The following PUM2 variants were observed in gnomAD, a reference collection of about 807,000 sequenced individuals.
PUM2 encodes pumilio RNA binding family member 2.
PUM2 carries 57 observed loss-of-function variants against 124.5 expected under a neutral mutation model. The observed-to-expected ratio is 0.46, with a 90% CI of 0.37 to 0.57. The LOEUF (loss-of-function observed/expected upper bound fraction) is 0.57. Ranked by LOEUF, PUM2 falls within the 20% of genes least tolerant of loss-of-function variation. The pLI, the probability that PUM2 is intolerant of heterozygous loss-of-function variation, is 0.00. For missense variants in PUM2, 1,065 were observed against 1,290.6 expected, an observed-to-expected ratio of 0.83 and a Z score of 2.68; for synonymous variants, 460 against 446.1, an observed-to-expected ratio of 1.03 and a Z score of -0.39.
chr2:20,307,176 A>G (rs1678540106), intron 7 of PUM2, among the ~76,000 whole-genome samples: 1 of 152,072 alleles, frequency 6.6e-6, no homozygotes, highest in African/African-American at 2.4e-5. Flanking sequence ...AGATTGCCCC[A>G]CTGTACTCCA....
intron 1 of PUM2, among the ~76,000 whole-genome samples, chr2:20,348,696 G>T (rs1335032564): frequency 6.6e-6 from 1 of 152,094 alleles, no homozygotes; most frequent in Non-Finnish European, 1.5e-5. Flanking sequence ...CTGGGAGGGC[G>T]AGGCGGGAGG....
chr2:20,340,484 T>A (rs1687014354), intron 1 of PUM2, among the ~76,000 whole-genome samples: 1 of 152,236 alleles, frequency 6.6e-6, no homozygotes, highest in African/African-American at 2.4e-5. Flanking sequence ...CAGGTACCCC[T>A]CAGGGATGGG....
In PUM2 at chr2:20,250,263, G is replaced by C. The variant is rs1033692803; in HGVS notation, c.*1322C>G. The C allele has an allele frequency of 6.6e-6, 1 of 152,434 alleles. No individual in the cohort carries two copies. The highest frequency in any genetic ancestry group is 2.4e-5 in the African/African-American group (1 of 41,398). 9.4% of individuals were successfully genotyped at this position (152,434 alleles called of 1,614,324 possible). A position where few individuals can be genotyped will look rare whatever the true frequency, so the allele number is the denominator to read the frequency against. ...TCTCACAATAATAAAAAGAAAGCTG[G>C]TTCATACTTCTGAAACCATATAAAG... On this transcript the variant is annotated 3_prime_UTR_variant, in exon 21 of 21. Coordinates refer to ENST00000361078, the MANE Select transcript of PUM2 (RefSeq NM_015317.5).
In PUM2 at chr2:20,294,367, A is replaced by C; in HGVS notation, c.1152+9T>G. On this transcript the variant is annotated intron_variant, in intron 9 of 20. Coordinates refer to ENST00000361078, the MANE Select transcript of PUM2 (RefSeq NM_015317.5). Reference sequence around the variant, plus strand: ...ATACTTGGTATTACTTAATAGAAGGAAGGCCTACCTGTTGCTGTCCAGGCT... The same window carrying C: ...ATACTTGGTATTACTTAATAGAAGGCAGGCCTACCTGTTGCTGTCCAGGCT... 1 of 1,612,726 alleles carries C rather than the reference A, an allele frequency of 6.2e-7. No homozygotes were observed. Among genetic ancestry groups the C allele is most frequent in the South Asian group, 1.1e-5 (1 of 90,836 alleles).
At chr2:20,329,831 A>G (rs373807759) in intron 1 of PUM2, among the ~76,000 whole-genome samples, 1 of 152,266 alleles carries the variant, frequency 6.6e-6, no homozygotes, top group African/African-American at 2.4e-5. Context: ...CCTAATGTGT[A>G]TAATTTTCAC....
At chr2:20,255,029 A>C (rs777727464) in intron 18 of PUM2, 45 bp from the exon 19 acceptor site, 4 of 1,569,752 alleles carry the variant, frequency 2.5e-6, no homozygotes, top group Non-Finnish European at 3.5e-6. Context: ...TCATTCCTTA[A>C]GAATGATATT....
upstream of PUM2, among the ~76,000 whole-genome samples, chr2:20,351,154 C>T (rs1689303150): frequency 6.6e-6 from 1 of 152,166 alleles, no homozygotes; most frequent in Non-Finnish European, 1.5e-5. Context: ...TGGGGCCTCG[C>T]CTTCTGAATC....
chr2:20,315,836 C>CAAAAAAAAAAA (rs60828412), intron 3 of PUM2, among the ~76,000 whole-genome samples: 2 of 72,354 alleles, frequency 2.8e-5, no homozygotes, highest in South Asian at 5.5e-4. Flanking sequence ...AACCTGGTCT[C>CAAAAAAAAAAA]AAAAAAAAAA....
At chr2:20,347,898 G>A (rs1688551310) in intron 1 of PUM2, among the ~76,000 whole-genome samples, 2 of 152,202 alleles carry the variant, frequency 1.3e-5, no homozygotes, top group South Asian at 4.1e-4. Flanking sequence ...TCTGCAGGGA[G>A]AAGACTCCCA....
Position 20,263,411 on chromosome 2 carries a change from T to C in PUM2, c.2007A>G (p.Ala669=). The C allele has an allele frequency of 6.2e-7, 1 of 1,614,134 alleles. No individual in the cohort carries two copies. ...TTGAAGCACTTCGATATTTTGCTTC[T>C]GCTCCAGGTGCTGCAGAGATATATC... ...SGRYISAAPG[A]EAKYRSASST... is the part of the protein sequence containing the mutation. Residue 669 remains alanine (A), a synonymous_variant, in exon 14 of 21, where the codon GCA becomes GCG. Coordinates refer to ENST00000361078, the MANE Select transcript of PUM2 (RefSeq NM_015317.5).
chr2:20,273,464 A>C (rs533526461), intron 13 of PUM2, among the ~76,000 whole-genome samples: 159 of 152,334 alleles, frequency 1.0e-3, no homozygotes, highest in Non-Finnish European at 1.7e-3. Flanking sequence ...AAACTTTCTC[A>C]GACATTAGAA....
At chr2:20,342,192 G>A (rs888847538) in intron 1 of PUM2, among the ~76,000 whole-genome samples, 2 of 151,234 alleles carry the variant, frequency 1.3e-5, no homozygotes, top group African/African-American at 4.9e-5. Context: ...ACTAAAGGAA[G>A]AAATCTGAAT....
chr2:20,345,210 C>T (rs904727657), intron 1 of PUM2, among the ~76,000 whole-genome samples: 3 of 151,488 alleles, frequency 2.0e-5, no homozygotes, highest in African/African-American at 4.8e-5. Context: ...AGTGACCTTC[C>T]CACCTCATTC....
intron 17 of PUM2, 40 bp from the exon 18 acceptor site, chr2:20,255,381 C>T (rs182781560): frequency 1.3e-6 from 2 of 1,555,824 alleles, no homozygotes; most frequent in Middle Eastern, 1.7e-4. Flanking sequence ...TATTCTCTGA[C>T]ATTTTTGAAC....
chr2:20,337,361 A>G (rs1253374757), intron 1 of PUM2, among the ~76,000 whole-genome samples: 3 of 152,216 alleles, frequency 2.0e-5, no homozygotes, highest in African/African-American at 7.2e-5. Context: ...TTGAAATGGC[A>G]TATTGTTTGG....
chr2:20,298,337 G>C (rs1676128449), intron 7 of PUM2, among the ~76,000 whole-genome samples: 1 of 152,094 alleles, frequency 6.6e-6, no homozygotes, highest in Non-Finnish European at 1.5e-5. Context: ...TAAGTAGTTT[G>C]GATTTTACCC....
At chr2:20,301,602 T>C (rs1676992986) in intron 7 of PUM2, among the ~76,000 whole-genome samples, 1 of 152,202 alleles carries the variant, frequency 6.6e-6, no homozygotes, top group South Asian at 2.1e-4. Context: ...TCCTTTTTTT[T>C]TTGAGACAAG....
chr2:20,301,882 C>T (rs1315745181), intron 7 of PUM2, among the ~76,000 whole-genome samples: 3 of 152,162 alleles, frequency 2.0e-5, no homozygotes, highest in Non-Finnish European at 4.4e-5. Flanking sequence ...CCCAGCCACT[C>T]ATTCTTTTTA....
intron 13 of PUM2, among the ~76,000 whole-genome samples, chr2:20,271,379 C>T (rs531813380): frequency 6.6e-6 from 1 of 152,226 alleles, no homozygotes; most frequent in South Asian, 2.1e-4. Context: ...AGTGGCATAA[C>T]GTCGGCTTAC....
Sources: allele counts gnomAD v4.1 joint callset (sites outside exome capture counted in the v4.1 genomes callset), GRCh38; gene constraint gnomAD v4.1.1; transcripts MANE v1.5; gene names NCBI Gene and HGNC (gene_info 2026-07-23, HGNC 2026-07-21).